The following ZNF518A variants were observed in gnomAD, a reference collection of about 807,000 sequenced individuals.
The protein encoded by ZNF518A is zinc finger protein 518.
In ZNF518A, 47 loss-of-function variants were observed where a neutral mutation model predicts 102.7. The ratio of observed to expected loss-of-function variants is 0.46; its 90% CI spans 0.36 to 0.58. The LOEUF (loss-of-function observed/expected upper bound fraction) is 0.58, where lower values mean the gene tolerates loss of function less well. Among genes scored for constraint, ZNF518A ranks in the 20% least tolerant of loss-of-function variants. The pLI is 0.00. For missense variants in ZNF518A, 1,793 were observed against 1,699.8 expected, an observed-to-expected ratio of 1.05 and a Z score of -0.96; for synonymous variants, 652 against 594.6, an observed-to-expected ratio of 1.10 and a Z score of -1.40.
At chr10:96,185,926 T>C (rs2133897368) in intron 1 of ZNF518A, among the ~76,000 whole-genome samples, 1 of 152,332 alleles carries the variant, frequency 6.6e-6, no homozygotes, top group East Asian at 1.9e-4. Context: ...GCCTCAGCAA[T>C]GGCAGACGCC....
chr10:96,195,178 T>G (rs1321025289), intron 1 of ZNF518A, among the ~76,000 whole-genome samples: 1 of 152,178 alleles, frequency 6.6e-6, no homozygotes, highest in Non-Finnish European at 1.5e-5. Flanking sequence ...CTGGTGGGGA[T>G]GTGAAGAAGT....
chr10:96,201,604 C>A (rs2083637207), intron 1 of ZNF518A, among the ~76,000 whole-genome samples: 1 of 152,120 alleles, frequency 6.6e-6, no homozygotes, highest in Non-Finnish European at 1.5e-5. Flanking sequence ...CTCTTTGGGT[C>A]TACAATTATT....
intron 3 of ZNF518A, among the ~76,000 whole-genome samples, chr10:96,149,302 A>G (rs1197061299): frequency 1.3e-5 from 2 of 152,116 alleles, no homozygotes; most frequent in African/African-American, 4.8e-5. Context: ...TTAGAAGCAG[A>G]AAAAAAGGGG....
chr10:96,137,540 C>T (rs908735021), intron 3 of ZNF518A, among the ~76,000 whole-genome samples: 1 of 152,188 alleles, frequency 6.6e-6, no homozygotes, highest in African/African-American at 2.4e-5. Context: ...CATCTTCTTA[C>T]TTGACAGAGT....
chr10:96,187,664 A>G (rs2083280436), intron 1 of ZNF518A, among the ~76,000 whole-genome samples: 1 of 152,146 alleles, frequency 6.6e-6, no homozygotes, highest in Non-Finnish European at 1.5e-5. Flanking sequence ...CATAGCTGCA[A>G]TCTACTTTTC....
intron 1 of ZNF518A, among the ~76,000 whole-genome samples, chr10:96,177,990 A>T (rs2083216122): frequency 6.6e-6 from 1 of 152,158 alleles, no homozygotes; most frequent in Non-Finnish European, 1.5e-5. Context: ...AAGCGACAGA[A>T]CTATAGAGAG....
At chr10:96,167,866 A>G (rs192382593), downstream of ZNF518A, among the ~76,000 whole-genome samples, 613 of 152,358 alleles carry the variant, frequency 4.0e-3, 2 homozygotes, top group Non-Finnish European at 7.1e-3. Flanking sequence ...ACCAAAAACA[A>G]AAAAGTGCAA....
rs782671479 is a variant in ZNF518A, at chr10:96,156,402, T to G, written c.80T>G (p.Ile27Arg). Residue 27 changes from isoleucine to arginine, a missense_variant, in exon 6 of 6, where the codon ATA becomes AGA. Ile to Arg is a moderately conservative substitution (Grantham distance 97, BLOSUM62 -3). This residue lies in a region of ZNF518A where 1,741 missense variants were observed against 1,622.6 expected (regional missense o/e 1.07). Coordinates refer to ENST00000316045, the MANE Select transcript of ZNF518A (RefSeq NM_001330736.2). ...AAAGATTATGATGTGAAAAATGAGA[T>G]AGTTGATAGGTCGGCACCTAAACCA... The part of the protein sequence containing the change: ...LKKDYDVKNE[I>R]VDRSAPKPKI... The G allele has an allele frequency of 1.2e-6, 2 of 1,605,558 alleles. No homozygotes were observed. Among genetic ancestry groups the G allele is most frequent in the Non-Finnish European group, 1.7e-6 (2 of 1,177,762 alleles).
At chr10:96,178,568 C>T (rs1293540388) in intron 1 of ZNF518A, among the ~76,000 whole-genome samples, 1 of 151,730 alleles carries the variant, frequency 6.6e-6, no homozygotes, top group Non-Finnish European at 1.5e-5. Context: ...GCAAATTAAA[C>T]CTAAAATGAG....
At chr10:96,144,005 T>A (rs1259838003) in intron 3 of ZNF518A, among the ~76,000 whole-genome samples, 1 of 152,152 alleles carries the variant, frequency 6.6e-6, no homozygotes, top group Non-Finnish European at 1.5e-5. Flanking sequence ...GTTGTTTTTT[T>A]AGACAGGTCT....
At chr10:96,144,461 T>A (rs1362934213) in intron 3 of ZNF518A, among the ~76,000 whole-genome samples, 1 of 152,208 alleles carries the variant, frequency 6.6e-6, no homozygotes, top group Non-Finnish European at 1.5e-5. Flanking sequence ...TATGTTATGC[T>A]TTTTTGGTTG....
chr10:96,159,709 A>C lies in ZNF518A; in HGVS notation c.3387A>C (p.Gln1129His), dbSNP rs782542323. 3.5e-5 allele frequency: 57 copies of C among 1,613,218 alleles called. No individual in the cohort carries two copies. The highest frequency in any genetic ancestry group is 4.6e-5 in the Non-Finnish European group (54 of 1,179,810). The change falls in exon 6 of 6, where the codon CAA (glutamine) becomes CAC (histidine). Residue 1129 changes from glutamine (Q) to histidine (H), a missense_variant. Physicochemically the swap from Gln to His is conservative, Grantham distance 24. Transcript: ENST00000316045. ...AATTAGTCCAAAATAGTACTTATCA[A>C]AATATACAGCCAAAGAAACCTGAAG... is the stretch of plus-strand genomic sequence containing the variant. ...KPKLVQNSTY[Q>H]NIQPKKPEGT...
intron 1 of ZNF518A, chr10:96,191,655 T>C: frequency 4.4e-6 from 1 of 225,350 alleles, no homozygotes. Context: ...CACTTTGTTT[T>C]ATGCAAGAGC....
At chr10:96,135,460 C>T (rs1554874084) in intron 3 of ZNF518A, among the ~76,000 whole-genome samples, 3 of 152,206 alleles carry the variant, frequency 2.0e-5, no homozygotes, top group African/African-American at 7.2e-5. Flanking sequence ...ATTGATCATT[C>T]ACATCCTTCT....
chr10:96,196,136 T>A (rs10491069), intron 1 of ZNF518A, among the ~76,000 whole-genome samples: 15 of 152,050 alleles, frequency 9.9e-5, no homozygotes, highest in Non-Finnish European at 1.5e-4. Flanking sequence ...ATTTCTTACC[T>A]TGAATTTTGT....
intron 3 of ZNF518A, among the ~76,000 whole-genome samples, chr10:96,148,864 C>T (rs1047881262): frequency 1.3e-5 from 2 of 152,144 alleles, no homozygotes; most frequent in African/African-American, 2.4e-5. Flanking sequence ...TACAGGCGCC[C>T]ACCACCACAC....
rs1476397445 is a variant in ZNF518A, at chr10:96,163,136, G to C, written c.*2362G>C. 1 of 166,958 alleles carries C rather than the reference G, an allele frequency of 6.0e-6. No homozygotes were observed. Among genetic ancestry groups the C allele is most frequent in the African/African-American group, 2.4e-5 (1 of 41,430 alleles). 10.3% of individuals were successfully genotyped at this position (166,958 alleles called of 1,614,324 possible). On this transcript the variant is annotated 3_prime_UTR_variant, in exon 6 of 6. Transcript: ENST00000316045. ...ATAGCCATATCAGGAAAATAATGTCGAGATATGTACTTCTTGCCTTTAAGT... is the reference window on the plus strand; with the variant it reads ...ATAGCCATATCAGGAAAATAATGTCCAGATATGTACTTCTTGCCTTTAAGT...
At chr10:96,187,315 C>T (rs1220902588) in intron 1 of ZNF518A, among the ~76,000 whole-genome samples, 1 of 152,168 alleles carries the variant, frequency 6.6e-6, no homozygotes. Context: ...TGAATCATTA[C>T]TGGAAAAATA....
chr10:96,153,440 G>A (rs2082547376), intron 3 of ZNF518A, among the ~76,000 whole-genome samples: 1 of 152,144 alleles, frequency 6.6e-6, no homozygotes, highest in Admixed American at 6.5e-5. Context: ...GCTTCCCCAT[G>A]CAACAAGTTG....
Sources: allele counts gnomAD v4.1 joint callset (sites outside exome capture counted in the v4.1 genomes callset), GRCh38; gene constraint gnomAD v4.1.1; regional missense constraint gnomAD v4.1.1; transcripts MANE v1.5; gene names NCBI Gene and HGNC (gene_info 2026-07-23, HGNC 2026-07-21).